The following DOCK9 variants were observed in gnomAD, a reference collection of about 807,000 sequenced individuals.
The protein encoded by DOCK9 is dedicator of cytokinesis protein 9.
Under a neutral mutation model 263.3 loss-of-function variants are expected in DOCK9, and 89 were observed. That is an observed-to-expected ratio of 0.34 (90% CI 0.28 to 0.40). The LOEUF is 0.40. Ranked by LOEUF, DOCK9 falls within the 10% of genes least tolerant of loss-of-function variation. The pLI, the probability that DOCK9 is intolerant of heterozygous loss-of-function variation, is 1.00. For synonymous variants in DOCK9, 976 were observed against 973.1 expected (o/e 1.00, Z -0.06); for missense variants, 2,140 against 2,603.4 (o/e 0.82, Z 3.87).
intron 27 of DOCK9, among the ~76,000 whole-genome samples, chr13:98,877,285 A>C (rs1487449329): frequency 6.6e-6 from 1 of 152,198 alleles, no homozygotes; most frequent in Non-Finnish European, 1.5e-5. Context: ...TCAGGTCATT[A>C]CCACCCTTAA....
chr13:98,895,810 T>A (rs1455237290), intron 15 of DOCK9, among the ~76,000 whole-genome samples: 3 of 152,230 alleles, frequency 2.0e-5, no homozygotes. Flanking sequence ...CCTCTATGAT[T>A]TAAAAGTAAA....
chr13:98,996,935 C>G (rs1881184138), intron 1 of DOCK9, among the ~76,000 whole-genome samples: 1 of 152,216 alleles, frequency 6.6e-6, no homozygotes, highest in South Asian at 2.1e-4. Flanking sequence ...CAAAGAAACT[C>G]CTTGCATACT....
intron 1 of DOCK9, among the ~76,000 whole-genome samples, chr13:98,993,727 C>T (rs945645661): frequency 5.3e-5 from 8 of 151,950 alleles, no homozygotes; most frequent in African/African-American, 1.9e-4. Flanking sequence ...GGTGACAGAG[C>T]GAGACTCCGT....
chr13:98,826,493 T>C (rs2092544542), intron 44 of DOCK9, among the ~76,000 whole-genome samples: 1 of 152,244 alleles, frequency 6.6e-6, no homozygotes, highest in Non-Finnish European at 1.5e-5. Context: ...ACTTTTTGAT[T>C]GCCTAAACAT....
chr13:99,070,443 T>C (rs2041619745), intron 1 of DOCK9, among the ~76,000 whole-genome samples: 1 of 152,270 alleles, frequency 6.6e-6, no homozygotes. Context: ...CACGCATTTC[T>C]GCTTACTGCG....
At chr13:98,817,347 G>A (rs1260405814) in intron 45 of DOCK9, among the ~76,000 whole-genome samples, 1 of 150,330 alleles carries the variant, frequency 6.7e-6, no homozygotes, top group Non-Finnish European at 1.5e-5. Context: ...CATGCTTCCT[G>A]TTAAACCTGC....
At chr13:98,809,999 CTATTTGGAG>C (rs2091150698) in intron 46 of DOCK9, among the ~76,000 whole-genome samples, 161 bp downstream of exon 46, 1 of 152,134 alleles carries the variant, frequency 6.6e-6, no homozygotes, top group South Asian at 2.1e-4. Context: ...TACCCGATGA[CTATTTGGAG>C]ATGATGACTG....
chr13:98,891,187 C>T (rs780551529), intron 15 of DOCK9, among the ~76,000 whole-genome samples: 14 of 152,166 alleles, frequency 9.2e-5, no homozygotes, highest in South Asian at 4.1e-4. Flanking sequence ...GCTCTGGGCA[C>T]TCCTACGATG....
Position 98,888,721 on chromosome 13 carries a change from A to G in DOCK9, c.1710-10T>C. 6.2e-7 allele frequency: 1 copy of G among 1,610,804 alleles called. No homozygotes were observed. Among genetic ancestry groups the G allele is most frequent in the South Asian group, 1.1e-5 (1 of 90,390 alleles). On this transcript the variant is annotated splice_polypyrimidine_tract_variant and intron_variant, in intron 15 of 52. Transcript: ENST00000682017. Reference sequence around the variant, plus strand: ...AGCCATCTTCTCAGGTCTGCAAACAAAAGAAGAGAAAAATTAAACATTCGT... The same window carrying G: ...AGCCATCTTCTCAGGTCTGCAAACAGAAGAAGAGAAAAATTAAACATTCGT...
chr13:98,828,627 T>C (rs1156927234), intron 43 of DOCK9, among the ~76,000 whole-genome samples: 1 of 152,222 alleles, frequency 6.6e-6, no homozygotes, highest in Non-Finnish European at 1.5e-5. Context: ...ATGTTGATCA[T>C]AGCTAAACAT....
intron 3 of DOCK9, among the ~76,000 whole-genome samples, chr13:98,928,017 A>C (rs1215356708): frequency 6.3e-4 from 65 of 102,862 alleles, no homozygotes; most frequent in Non-Finnish European, 9.5e-4. Flanking sequence ...AAAAAAAAAA[A>C]AACAAAAAAA....
rs370246375 is a variant in DOCK9 at position 99,085,597 on chromosome 13, A to C, written c.129+626T>G. Among the ~76,000 whole-genome samples the C allele has an allele frequency of 1.6e-3, 246 of 152,302 alleles. 9 individuals carry two copies. In the South Asian group the frequency reaches 0.048, roughly 30 times the overall value. On this transcript the variant is annotated intron_variant, in intron 1 of 32. Transcript: ENST00000427887. ...ACCCCCAAACGTCACAGGAATTTGC[A>C]CCAATACTAAATTAGCGAGGGTTCC...
intron 1 of DOCK9, among the ~76,000 whole-genome samples, chr13:98,973,672 C>T (rs1462660857): frequency 6.6e-6 from 1 of 152,214 alleles, no homozygotes; most frequent in South Asian, 2.1e-4. Flanking sequence ...TCTCTGCTCA[C>T]TGCAGCCTCA....
At chr13:98,950,272 G>A in intron 2 of DOCK9, 9 of 768,282 alleles carry the variant, frequency 1.2e-5, no homozygotes, top group South Asian at 3.2e-5. Context: ...TTTCTGCCAC[G>A]AGGAATCATA....
Position 98,885,400 on chromosome 13 carries a change from T to C in DOCK9, c.2260+308A>G, listed in dbSNP as rs759196097. 36 of 527,336 alleles carry C rather than the reference T, an allele frequency of 6.8e-5. No individual in the cohort carries two copies. The East Asian group carries it at 1.4e-3, about 20-fold the overall frequency. The allele number at this position is 527,336 out of a possible 1,614,324, so 32.7% of individuals were successfully genotyped here. A position where few individuals can be genotyped will look rare whatever the true frequency, so the allele number is the denominator to read the frequency against. Reference sequence around the variant, plus strand: ...GGGCAGACTGCTTGAGCTCACGAGTTCGAGACCAGCCTGGGCAACATGGCG... The same window carrying C: ...GGGCAGACTGCTTGAGCTCACGAGTCCGAGACCAGCCTGGGCAACATGGCG... On this transcript the variant is annotated intron_variant, in intron 20 of 52. Coordinates refer to ENST00000682017, the MANE Select transcript of DOCK9 (RefSeq NM_001366683.2).
intron 1 of DOCK9, among the ~76,000 whole-genome samples, chr13:98,990,919 T>G (rs1879642546): frequency 1.3e-5 from 2 of 152,242 alleles, no homozygotes; most frequent in African/African-American, 4.8e-5. Flanking sequence ...CATTCATTAA[T>G]GGATGGATTC....
intron 49 of DOCK9, among the ~76,000 whole-genome samples, chr13:98,803,914 C>T (rs2090394756): frequency 6.7e-6 from 1 of 150,306 alleles, no homozygotes; most frequent in African/African-American, 2.5e-5. Flanking sequence ...ATACGCTGTC[C>T]TGGGCTAATT....
At chr13:98,860,314 C>A in intron 33 of DOCK9, 91 bp downstream of exon 33, 2 of 1,533,328 alleles carry the variant, frequency 1.3e-6, no homozygotes, top group Non-Finnish European at 1.8e-6. Flanking sequence ...CAAGGTCCTA[C>A]CACACAAGTG....
intron 1 of DOCK9, among the ~76,000 whole-genome samples, chr13:99,044,633 CA>C (rs1212279601): frequency 3.9e-5 from 6 of 152,162 alleles, no homozygotes; most frequent in African/African-American, 1.4e-4. Context: ...ATTTTGCCAC[CA>C]AAAATAAATG....
Sources: gnomAD v4.1 joint callset for allele counts (sites outside exome capture counted in the v4.1 genomes callset) on GRCh38, gnomAD v4.1.1 for gene constraint, MANE v1.5 for transcripts, NCBI Gene and HGNC (gene_info 2026-07-23, HGNC 2026-07-21) for gene names.